Variants in EFCAB11 observed in about 807,000 individuals in gnomAD.
EFCAB11 encodes EF-hand calcium-binding domain-containing protein 11.
Under a neutral mutation model 23.0 loss-of-function variants are expected in EFCAB11, and 14 were observed. The ratio of observed to expected loss-of-function variants is 0.61; its 90% CI spans 0.40 to 0.95. The LOEUF is 0.95. EFCAB11 is among the 40% of genes least tolerant of loss of function. The pLI, the probability that EFCAB11 is intolerant of heterozygous loss-of-function variation, is 0.00. For missense variants in EFCAB11, 198 were observed against 195.8 expected (o/e 1.01, Z -0.07); for synonymous variants, 65 against 66.6 (o/e 0.98, Z 0.11).
chr14:89,880,378 C>G (rs1023013242), intron 5 of EFCAB11, among the ~76,000 whole-genome samples: 1 of 152,130 alleles, frequency 6.6e-6, no homozygotes, highest in African/African-American at 2.4e-5. Flanking sequence ...AAATAAAATT[C>G]TTTTGTTTAT....
At chr14:89,837,305 C>T (rs1887117212) in intron 5 of EFCAB11, among the ~76,000 whole-genome samples, 1 of 152,140 alleles carries the variant, frequency 6.6e-6, no homozygotes, top group East Asian at 1.9e-4. Flanking sequence ...GTTTGGCCAA[C>T]AGAAGTTCCA....
Position 89,916,280 on chromosome 14 carries a change from T to C in EFCAB11, c.410+15261A>G, listed in dbSNP as rs766065609. On this transcript the variant is annotated intron_variant, in intron 5 of 5. Coordinates refer to ENST00000316738, the MANE Select transcript of EFCAB11 (RefSeq NM_145231.4). ...CACAGAATAAATGGCACCAACTCTA[T>C]GACAAAACTGGTCATTGAAGAAACT... Among the ~76,000 whole-genome samples, 34 of 152,176 alleles carry C rather than the reference T, an allele frequency of 2.2e-4. 1 individual carries two copies. Among genetic ancestry groups the C allele is most frequent in the Non-Finnish European group, 7.3e-5 (5 of 68,028 alleles).
intron 3 of EFCAB11, among the ~76,000 whole-genome samples, chr14:89,947,392 T>A (rs1213821087): frequency 6.6e-6 from 1 of 152,162 alleles, no homozygotes; most frequent in Non-Finnish European, 1.5e-5. Context: ...TCCATTTAAA[T>A]AGAAACAAGA....
At chr14:89,873,669 G>C (rs1888351053) in intron 5 of EFCAB11, among the ~76,000 whole-genome samples, 1 of 152,100 alleles carries the variant, frequency 6.6e-6, no homozygotes, top group Non-Finnish European at 1.5e-5. Flanking sequence ...CAAAACAAAG[G>C]GGCTACAGGC....
intron 5 of EFCAB11, among the ~76,000 whole-genome samples, chr14:89,867,743 G>A (rs1888138520): frequency 6.6e-6 from 1 of 152,178 alleles, no homozygotes; most frequent in Non-Finnish European, 1.5e-5. Context: ...AAATACTTCT[G>A]TACTAACATC....
chr14:89,847,741 C>CAAAAAA (rs561016492), intron 5 of EFCAB11, among the ~76,000 whole-genome samples: 3 of 91,812 alleles, frequency 3.3e-5, no homozygotes, highest in Admixed American at 1.3e-4. Flanking sequence ...CTCTGTCTCA[C>CAAAAAA]AAAAAAAAAA....
At chr14:89,887,929 T>C (rs1275385678) in intron 5 of EFCAB11, among the ~76,000 whole-genome samples, 1 of 148,372 alleles carries the variant, frequency 6.7e-6, no homozygotes, top group African/African-American at 2.6e-5. Flanking sequence ...ATTTCAATTC[T>C]AAAAAAATAA....
chr14:89,879,965 A>T (rs1888552056), intron 5 of EFCAB11, among the ~76,000 whole-genome samples: 1 of 152,208 alleles, frequency 6.6e-6, no homozygotes, highest in Non-Finnish European at 1.5e-5. Context: ...AAAATGCCAA[A>T]TATATGTGTG....
chr14:89,805,473 A>T (rs1885937064), intron 5 of EFCAB11, among the ~76,000 whole-genome samples: 1 of 152,238 alleles, frequency 6.6e-6, no homozygotes, highest in African/African-American at 2.4e-5. Context: ...CAATGTGGAC[A>T]TCTGAGATGC....
At chr14:89,930,968 C>A (rs1890369818) in intron 5 of EFCAB11, 1 of 152,318 alleles carries the variant, frequency 6.6e-6, no homozygotes, top group African/African-American at 2.4e-5. Flanking sequence ...CTAACAAAAA[C>A]TGCTTTTAAG....
intron 5 of EFCAB11, among the ~76,000 whole-genome samples, chr14:89,872,254 G>C (rs1367754932): frequency 1.3e-5 from 2 of 152,188 alleles, no homozygotes; most frequent in South Asian, 2.1e-4. Flanking sequence ...ACCTACGTTG[G>C]GTCTTAAACA....
At chr14:89,950,677 T>C (rs2139847379) in intron 2 of EFCAB11, among the ~76,000 whole-genome samples, 1 of 152,318 alleles carries the variant, frequency 6.6e-6, no homozygotes, top group South Asian at 2.1e-4. Flanking sequence ...GAGACTTTAC[T>C]GTATAGAAAA....
chr14:89,914,005 A>C (rs1889759485), intron 5 of EFCAB11, among the ~76,000 whole-genome samples: 1 of 152,168 alleles, frequency 6.6e-6, no homozygotes, highest in Non-Finnish European at 1.5e-5. Context: ...AGTTTGTGGA[A>C]TAAATGGATG....
intron 2 of EFCAB11, chr14:89,952,512 GC>G: frequency 3.0e-6 from 3 of 985,446 alleles, no homozygotes; most frequent in Non-Finnish European, 3.6e-6. Flanking sequence ...CTAAGAGTCA[GC>G]CCTGACTACT....
intron 5 of EFCAB11, among the ~76,000 whole-genome samples, chr14:89,800,350 G>A (rs908537801): frequency 6.6e-6 from 1 of 152,166 alleles, no homozygotes; most frequent in African/African-American, 2.4e-5. Context: ...TGAGAGACAA[G>A]CTGTGGAAAA....
chr14:89,810,737 C>T (rs1245316235), intron 5 of EFCAB11, among the ~76,000 whole-genome samples: 1 of 112,300 alleles, frequency 8.9e-6, no homozygotes, highest in Non-Finnish European at 1.8e-5. Context: ...GCCTGGGTGA[C>T]AAAGTGAGAC....
At chr14:89,888,086 A>T (rs2140184812) in intron 5 of EFCAB11, among the ~76,000 whole-genome samples, 1 of 152,220 alleles carries the variant, frequency 6.6e-6, no homozygotes, top group East Asian at 1.9e-4. Flanking sequence ...GAGAATTACA[A>T]AGAAGGAAAT....
At chr14:89,873,827 G>T (rs1888355455) in intron 5 of EFCAB11, among the ~76,000 whole-genome samples, 1 of 152,186 alleles carries the variant, frequency 6.6e-6, no homozygotes, top group Non-Finnish European at 1.5e-5. Context: ...GGCTTTGCAG[G>T]GTACAGCTCC....
intron 5 of EFCAB11, among the ~76,000 whole-genome samples, chr14:89,809,004 G>A (rs1022348422): frequency 1.3e-5 from 2 of 152,168 alleles, no homozygotes; most frequent in Non-Finnish European, 2.9e-5. Context: ...GTTAGAATTT[G>A]TTTTCTATCC....
Sources: gnomAD v4.1 joint callset for allele counts (sites outside exome capture counted in the v4.1 genomes callset) on GRCh38, gnomAD v4.1.1 for gene constraint, MANE v1.5 for transcripts, NCBI Gene and HGNC (gene_info 2026-07-23, HGNC 2026-07-21) for gene names.